The following CDH12 variants were observed in gnomAD, a reference collection of about 807,000 sequenced individuals.
The protein encoded by CDH12 is cadherin 12, also known as cadherin-12.
In CDH12, 41 loss-of-function variants were observed where a neutral mutation model predicts 74.1. The ratio of observed to expected loss-of-function variants is 0.55; its 90% confidence interval spans 0.43 to 0.72. The LOEUF (loss-of-function observed/expected upper bound fraction) is 0.72, where lower values mean the gene tolerates loss of function less well. Among genes scored for constraint, CDH12 ranks in the 30% least tolerant of loss-of-function variants. The pLI, the probability that CDH12 is intolerant of heterozygous loss-of-function variation, is 0.00. For synonymous variants in CDH12, 399 were observed against 355.0 expected (o/e 1.12, Z -1.39); for missense variants, 945 against 977.2 (o/e 0.97, Z 0.44).
chr5:22,449,509 T>C (rs901197454), intron 2 of CDH12, among the ~76,000 whole-genome samples: 5 of 152,136 alleles, frequency 3.3e-5, no homozygotes, highest in African/African-American at 1.2e-4. Context: ...TTTTCTTAGA[T>C]GTCTACAGAC....
chr5:22,265,304 T>A (rs1753665432), intron 3 of CDH12, among the ~76,000 whole-genome samples: 1 of 152,218 alleles, frequency 6.6e-6, no homozygotes, highest in Admixed American at 6.5e-5. Context: ...TGACTGATTA[T>A]AACACGAACA....
chr5:22,331,469 A>G (rs1178491845), intron 3 of CDH12, among the ~76,000 whole-genome samples: 1 of 152,188 alleles, frequency 6.6e-6, no homozygotes, highest in Non-Finnish European at 1.5e-5. Flanking sequence ...TAAGACCACC[A>G]AGGTGGTACC....
intron 6 of CDH12, among the ~76,000 whole-genome samples, chr5:21,963,003 G>C (rs1479471399): frequency 6.6e-6 from 1 of 152,034 alleles, no homozygotes; most frequent in Non-Finnish European, 1.5e-5. Context: ...CCTACCCCAT[G>C]CCTCTTTTTC....
chr5:22,336,440 C>T (rs1358241604), intron 3 of CDH12, among the ~76,000 whole-genome samples: 1 of 152,184 alleles, frequency 6.6e-6, no homozygotes, highest in Non-Finnish European at 1.5e-5. Context: ...CAGTCCCTTT[C>T]ATCACAGTCC....
chr5:22,103,612 T>C (rs1277091259), intron 4 of CDH12, among the ~76,000 whole-genome samples: 1 of 152,242 alleles, frequency 6.6e-6, no homozygotes, highest in East Asian at 1.9e-4. Flanking sequence ...ATTAAACTGC[T>C]AATAAAATCC....
chr5:21,782,379 ATC>A (rs1461213465), intron 11 of CDH12, among the ~76,000 whole-genome samples: 1 of 152,234 alleles, frequency 6.6e-6, no homozygotes, highest in Non-Finnish European at 1.5e-5. Context: ...GGGAATGGGT[ATC>A]TGACTATTCA....
Position 21,833,288 on chromosome 5 carries a change from C to T in CDH12, c.814+8873G>A, listed in dbSNP as rs553297006. Among the ~76,000 whole-genome samples, 19 of 38,350 alleles carry T rather than the reference C, an allele frequency of 5.0e-4. 1 individual carries two copies. Among genetic ancestry groups the T allele is most frequent in the African/African-American group, 3.2e-3 (13 of 4,038 alleles). 25.2% of individuals were successfully genotyped at this position (38,350 alleles called of 152,430 possible). On this transcript the variant is annotated intron_variant, in intron 8 of 14. Transcript: ENST00000382254. The stretch of plus-strand genomic sequence containing the variant: ...ATAATATATATTATATGTTATATAA[C>T]ATATAATATATATTATATGTTATAT...
intron 3 of CDH12, among the ~76,000 whole-genome samples, chr5:22,288,462 A>ATG (rs1184801238): frequency 6.6e-6 from 1 of 152,134 alleles, no homozygotes; most frequent in African/African-American, 2.4e-5. Context: ...GTTTCTACAT[A>ATG]TGTGTGTGTA....
chr5:21,837,549 T>C (rs1749608325), intron 8 of CDH12, among the ~76,000 whole-genome samples: 1 of 151,988 alleles, frequency 6.6e-6, no homozygotes, highest in Non-Finnish European at 1.5e-5. Flanking sequence ...CTTATGTATG[T>C]ATGGAATAGA....
At chr5:21,860,904 T>C (rs974138560) in intron 6 of CDH12, among the ~76,000 whole-genome samples, 1 of 152,050 alleles carries the variant, frequency 6.6e-6, no homozygotes, top group African/African-American at 2.4e-5. Context: ...CCTTGCGATC[T>C]TGTGAATCAA....
intron 1 of CDH12, among the ~76,000 whole-genome samples, chr5:22,584,297 A>C (rs1479277362): frequency 6.6e-6 from 1 of 152,038 alleles, no homozygotes; most frequent in East Asian, 1.9e-4. Flanking sequence ...ACGGGGTTTC[A>C]CCATGTTGAT....
At chr5:22,235,580 A>C (rs74358502) in intron 3 of CDH12, among the ~76,000 whole-genome samples, 1 of 3,402 alleles carries the variant, frequency 2.9e-4, no homozygotes, top group Non-Finnish European at 2.2e-3. Flanking sequence ...GACTGTTTCA[A>C]AAAAAAAAAA....
intron 1 of CDH12, among the ~76,000 whole-genome samples, chr5:22,663,415 T>C (rs1488709022): frequency 6.6e-6 from 1 of 152,178 alleles, no homozygotes; most frequent in African/African-American, 2.4e-5. Flanking sequence ...GGAAAACCGT[T>C]TATAGCCTAA....
chr5:22,804,848 G>A (rs1748703623), intron 1 of CDH12, among the ~76,000 whole-genome samples: 1 of 152,256 alleles, frequency 6.6e-6, no homozygotes, highest in Non-Finnish European at 1.5e-5. Context: ...TTATGAAATT[G>A]TACGTACACT....
chr5:22,186,385 T>C (rs1053362066), intron 4 of CDH12, among the ~76,000 whole-genome samples: 6 of 152,216 alleles, frequency 3.9e-5, no homozygotes, highest in South Asian at 4.1e-4. Flanking sequence ...TGCCAAATGA[T>C]TGTAGATTAA....
At chr5:22,652,879 A>G (rs961746104) in intron 1 of CDH12, among the ~76,000 whole-genome samples, 8 of 152,172 alleles carry the variant, frequency 5.3e-5, no homozygotes, top group African/African-American at 1.9e-4. Context: ...TCTCTATGTG[A>G]AAGCATTGAG....
rs141799876 is a variant in CDH12 at position 22,341,778 on chromosome 5, AT to A, written c.-333+63478del. Reference sequence around the variant, plus strand: ...TTAGGCAACCGTTAGGCAATCATACATCTCTGCAGAACCAAGAACCAAAATC... The same window carrying A: ...TTAGGCAACCGTTAGGCAATCATACACTCTGCAGAACCAAGAACCAAAATC... On this transcript the variant is annotated intron_variant, in intron 3 of 14. Coordinates refer to ENST00000382254, the MANE Select transcript of CDH12 (RefSeq NM_004061.5). 9.2e-3 allele frequency among the ~76,000 whole-genome samples: 1,407 copies of A among 152,236 alleles called. 23 individuals carry two copies. The highest frequency in any genetic ancestry group is 0.033 in the African/African-American group (1,358 of 41,538).
chr5:22,392,987 G>C (rs1161542147), intron 3 of CDH12, among the ~76,000 whole-genome samples: 1 of 151,974 alleles, frequency 6.6e-6, no homozygotes, highest in Non-Finnish European at 1.5e-5. Context: ...TTCTCACATA[G>C]ATACCTCTTA....
chr5:22,033,075 A>G (rs1738936216), intron 5 of CDH12, among the ~76,000 whole-genome samples: 1 of 150,600 alleles, frequency 6.6e-6, no homozygotes, highest in South Asian at 2.1e-4. Flanking sequence ...GACTCAGACT[A>G]TTATTTTACA....
Sources: gnomAD v4.1 joint callset for allele counts (sites outside exome capture counted in the v4.1 genomes callset) on GRCh38, gnomAD v4.1.1 for gene constraint, MANE v1.5 for transcripts, NCBI Gene and HGNC (gene_info 2026-07-23, HGNC 2026-07-21) for gene names.